The following RPS24 variants were observed in gnomAD, a reference collection of about 807,000 sequenced individuals.
RPS24 encodes ribosomal protein S24.
For synonymous variants in RPS24, 72 were observed against 55.6 expected, an observed-to-expected ratio of 1.30 and a Z score of -1.31; for missense variants, 100 against 162.5, an observed-to-expected ratio of 0.62 and a Z score of 2.09.
downstream of RPS24, among the ~76,000 whole-genome samples, chr10:78,044,679 C>T (rs1449847685): frequency 6.6e-6 from 1 of 151,172 alleles, no homozygotes; most frequent in Non-Finnish European, 1.5e-5. Context: ...TGAGACCTGC[C>T]TCCCAGTGCC....
At chr10:78,038,300 T>C (rs1847920594) in intron 4 of RPS24, 1 of 179,642 alleles carries the variant, frequency 5.6e-6, no homozygotes, top group South Asian at 1.2e-4. Flanking sequence ...AAGTAGGCAC[T>C]TGGGAAATGC....
intron 3 of RPS24, among the ~76,000 whole-genome samples, chr10:78,036,825 AGGGAGTAATG>A (rs1475559493): frequency 6.6e-6 from 1 of 152,180 alleles, no homozygotes. Flanking sequence ...GTCTGTCATA[AGGGAGTAATG>A]GGGAGTTGAA....
At chr10:78,037,433 T>A in intron 4 of RPS24, 129 bp downstream of exon 4, 4 of 1,390,084 alleles carry the variant, frequency 2.9e-6, no homozygotes, top group Non-Finnish European at 3.8e-6. Context: ...TTCTTCTGGA[T>A]TACAGAAGGT....
chr10:78,034,725 G>A (rs1847822965), intron 1 of RPS24, among the ~76,000 whole-genome samples: 1 of 152,186 alleles, frequency 6.6e-6, no homozygotes, highest in Non-Finnish European at 1.5e-5. Context: ...AGGGAATATC[G>A]TTTTCTCTGA....
intron 3 of RPS24, among the ~76,000 whole-genome samples, chr10:78,036,751 A>G (rs1164051146): frequency 3.3e-5 from 5 of 152,210 alleles, no homozygotes; most frequent in Non-Finnish European, 7.3e-5. Context: ...CAGCAAGTGC[A>G]AAGGTGGGCA....
rs1266726915 is a variant in RPS24, at chr10:78,037,767, GCCAAGA to G, written c.390+465_390+470del. The G allele has an allele frequency of 8.0e-4, 294 of 369,430 alleles. 1 individual carries two copies. The highest frequency in any genetic ancestry group is 4.7e-4 in the Non-Finnish European group (95 of 201,742). 22.9% of individuals were successfully genotyped at this position (369,430 alleles called of 1,614,324 possible). Reference sequence around the variant, plus strand: ...TCAGGATTGCTTTCCTCTCCAGTTGGCCAAGACAAGTGATTTTAGCGATAAGCAGCT... The same window carrying G: ...TCAGGATTGCTTTCCTCTCCAGTTGGCAAGTGATTTTAGCGATAAGCAGCT... On this transcript the variant is annotated intron_variant, in intron 4 of 5. Transcript: ENST00000372360.
chr10:78,045,204 T>C (rs1848030707), downstream of RPS24, among the ~76,000 whole-genome samples: 1 of 151,850 alleles, frequency 6.6e-6, no homozygotes, highest in Admixed American at 6.6e-5. Context: ...GTCAGGCTGG[T>C]CTTGAACTCC....
chr10:78,050,668 T>C (rs548423832), intron 4 of RPS24, among the ~76,000 whole-genome samples: 1 of 152,318 alleles, frequency 6.6e-6, no homozygotes, highest in South Asian at 2.1e-4. Flanking sequence ...TGGAGTGCAG[T>C]GATGTGATCA....
At chr10:78,047,241 T>C (rs1848054631) in intron 4 of RPS24, among the ~76,000 whole-genome samples, 1 of 151,986 alleles carries the variant, frequency 6.6e-6, no homozygotes, top group Non-Finnish European at 1.5e-5. Context: ...GCTGGGATTA[T>C]AGGTGTGAGC....
intron 4 of RPS24, among the ~76,000 whole-genome samples, chr10:78,051,470 CA>C (rs1394922631): frequency 1.3e-5 from 2 of 152,100 alleles, no homozygotes; most frequent in African/African-American, 4.8e-5. Context: ...GTGGATTTAC[CA>C]CGTCAACATC....
At chr10:78,043,197 G>A (rs1239091547), downstream of RPS24, among the ~76,000 whole-genome samples, 2 of 152,118 alleles carry the variant, frequency 1.3e-5, no homozygotes, top group African/African-American at 4.8e-5. Context: ...TAGAGATGGG[G>A]TTTCACCATG....
chr10:78,040,909 C>T (rs1229671558), downstream of RPS24, among the ~76,000 whole-genome samples: 10 of 152,106 alleles, frequency 6.6e-5, no homozygotes, highest in Non-Finnish European at 1.2e-4. Flanking sequence ...GAACCATGTC[C>T]GCGGTGGACG....
At chr10:78,046,610 C>T (rs765588695) in intron 4 of RPS24, among the ~76,000 whole-genome samples, 18 of 152,110 alleles carry the variant, frequency 1.2e-4, no homozygotes, top group Non-Finnish European at 2.5e-4. Context: ...CTGCCTCAGC[C>T]TCCCAAAGTG....
chr10:78,046,977 T>C (rs1848049549), intron 4 of RPS24, among the ~76,000 whole-genome samples: 1 of 151,504 alleles, frequency 6.6e-6, no homozygotes, highest in Non-Finnish European at 1.5e-5. Flanking sequence ...TGGGGCCAGG[T>C]AACCTGTTTT....
exon 5 of RPS24, chr10:78,055,755 A>C (rs1027806207): frequency 5.3e-5 from 8 of 152,022 alleles, no homozygotes; most frequent in Non-Finnish European, 1.0e-4. Context: ...CCAGATGGAT[A>C]TCTTCTTTTT....
intron 4 of RPS24, 167 bp downstream of exon 4, chr10:78,037,471 A>G (rs1418380382): frequency 5.0e-6 from 6 of 1,191,316 alleles, no homozygotes; most frequent in Non-Finnish European, 5.7e-6. Context: ...TATGTAGCAT[A>G]GTGTCTTAAC....
chr10:78,044,770 G>A (rs1049732277), downstream of RPS24, among the ~76,000 whole-genome samples: 16 of 149,492 alleles, frequency 1.1e-4, no homozygotes, highest in African/African-American at 4.0e-4. Context: ...AATCAGGGAG[G>A]ATCTTGTATG....
chr10:78,044,998 A>AT (rs901809282), downstream of RPS24, among the ~76,000 whole-genome samples: 12 of 151,884 alleles, frequency 7.9e-5, no homozygotes, highest in Non-Finnish European at 1.5e-4. Flanking sequence ...TATTTATCGT[A>AT]TTTTTTTGAG....
chr10:78,036,328 A>T (rs781669119), intron 3 of RPS24: 77 of 159,082 alleles, frequency 4.8e-4, no homozygotes, highest in Admixed American at 6.5e-4. Context: ...TTAGAGAGAG[A>T]GTTTAGCTCT....
Sources: gnomAD v4.1 joint callset for allele counts (sites outside exome capture counted in the v4.1 genomes callset) on GRCh38, gnomAD v4.1.1 for gene constraint, MANE v1.5 for transcripts, NCBI Gene and HGNC (gene_info 2026-07-23, HGNC 2026-07-21) for gene names.